PTPRT: variants seen among roughly 807,000 people sequenced by gnomAD.
PTPRT encodes the protein receptor-type tyrosine-protein phosphatase T.
A neutral mutation model predicts 176.8 loss-of-function variants in PTPRT; 56 were observed. The observed-to-expected ratio is 0.32, with a 90% CI of 0.26 to 0.40. The LOEUF (loss-of-function observed/expected upper bound fraction) is 0.40, where lower values mean the gene tolerates loss of function less well. PTPRT is among the 10% of genes least tolerant of loss of function. PTPRT has a pLI of 1.00. For synonymous variants in PTPRT, 783 were observed against 739.0 expected (o/e 1.06, Z -0.96); for missense variants, 1,540 against 1,908.2 (o/e 0.81, Z 3.60).
chr20:42,136,810 G>T (rs1191429576), intron 18 of PTPRT, among the ~76,000 whole-genome samples: 2 of 152,216 alleles, frequency 1.3e-5, no homozygotes, highest in Admixed American at 6.5e-5. Flanking sequence ...ACCAGCAGGG[G>T]AGTGGGAAGT....
At chr20:42,659,529 G>C (rs939627534) in intron 7 of PTPRT, among the ~76,000 whole-genome samples, 12 of 152,216 alleles carry the variant, frequency 7.9e-5, no homozygotes, top group Non-Finnish European at 1.8e-4. Context: ...GGGAGTTAGA[G>C]TCTAATCTAT....
At chr20:42,058,717 G>C in the PTPRT span, among the ~76,000 whole-genome samples, 1 of 152,162 alleles carries the variant, frequency 6.6e-6, no homozygotes. Flanking sequence ...TTCTCCAAAC[G>C]AATGGCCTTT....
chr20:42,757,398 T>C (rs2076850482), intron 5 of PTPRT, among the ~76,000 whole-genome samples: 1 of 152,080 alleles, frequency 6.6e-6, no homozygotes, highest in Admixed American at 6.5e-5. Flanking sequence ...CCCCACAGGC[T>C]CTGAGCCCCA....
intron 12 of PTPRT, among the ~76,000 whole-genome samples, chr20:42,289,049 G>C (rs1600787019): frequency 6.6e-6 from 1 of 151,976 alleles, no homozygotes; most frequent in African/African-American, 2.4e-5. Context: ...TTCAAAAAAC[G>C]ATGCTGGGAA....
chr20:42,882,439 T>C (rs1200251760), intron 2 of PTPRT, among the ~76,000 whole-genome samples: 1 of 152,114 alleles, frequency 6.6e-6, no homozygotes, highest in Non-Finnish European at 1.5e-5. Context: ...AGCCATGTCT[T>C]TGGGGAGAGA....
intron 1 of PTPRT, among the ~76,000 whole-genome samples, chr20:43,169,883 G>A (rs531135671): frequency 6.6e-6 from 1 of 152,214 alleles, no homozygotes; most frequent in South Asian, 2.1e-4. Context: ...AGAGACTAAG[G>A]GCTCTCCTCT....
chr20:43,180,355 C>CTCTCTCTCTCTCTCTA (rs2015223383), intron 1 of PTPRT, among the ~76,000 whole-genome samples: 1 of 150,954 alleles, frequency 6.6e-6, no homozygotes. Context: ...CTCTCTCTCT[C>CTCTCTCTCTCTCTCTA]TCTCTCTCTC....
rs542402118 is a variant in PTPRT at position 42,288,879 on chromosome 20, C to A, written c.2140-6354G>T. On this transcript the variant is annotated intron_variant, in intron 12 of 30. Transcript: ENST00000373187. ...TGGTTACTTTTCTTTTGGGTATGTA[C>A]CCAGTAATGGGATTTCTGGGTCAAA... Among the ~76,000 whole-genome samples the A allele has an allele frequency of 1.2e-3, 178 of 152,002 alleles. 1 individual carries two copies. Among genetic ancestry groups the A allele is most frequent in the African/African-American group, 4.0e-3 (168 of 41,482 alleles).
intron 9 of PTPRT, among the ~76,000 whole-genome samples, chr20:42,389,295 T>G (rs1308197604): frequency 1.3e-5 from 2 of 151,948 alleles, no homozygotes; most frequent in Non-Finnish European, 2.9e-5. Flanking sequence ...AAACGTGATA[T>G]AGGGTCTTAT....
At chr20:42,989,741 T>A (rs1022926252) in intron 1 of PTPRT, among the ~76,000 whole-genome samples, 1 of 152,256 alleles carries the variant, frequency 6.6e-6, no homozygotes, top group Non-Finnish European at 1.5e-5. Flanking sequence ...ATTTTCTGAT[T>A]TGCTTTCATG....
intron 4 of PTPRT, among the ~76,000 whole-genome samples, chr20:42,779,346 G>A (rs1363375588): frequency 1.3e-5 from 2 of 152,192 alleles, no homozygotes; most frequent in Non-Finnish European, 2.9e-5. Context: ...TATGGGAGGA[G>A]TGGAGAGAGC....
At chr20:43,168,289 G>A (rs1322530470) in intron 1 of PTPRT, among the ~76,000 whole-genome samples, 2 of 152,190 alleles carry the variant, frequency 1.3e-5, no homozygotes, top group East Asian at 1.9e-4. Context: ...AAATGACAAA[G>A]AGGAAAATCA....
chr20:42,836,437 C>T (rs1241626848), intron 2 of PTPRT, among the ~76,000 whole-genome samples: 1 of 152,170 alleles, frequency 6.6e-6, no homozygotes, highest in South Asian at 2.1e-4. Context: ...CCTGCAAAGC[C>T]CTCCCAGATT....
intron 15 of PTPRT, among the ~76,000 whole-genome samples, chr20:42,223,337 C>A (rs564874942): frequency 6.6e-6 from 1 of 152,222 alleles, no homozygotes; most frequent in South Asian, 2.1e-4. Flanking sequence ...GTTATTGTCC[C>A]CAATTTACAG....
chr20:42,299,641 C>CTTCT (rs2057430879), intron 12 of PTPRT, among the ~76,000 whole-genome samples: 1 of 85,994 alleles, frequency 1.2e-5, no homozygotes, highest in South Asian at 4.8e-4. Flanking sequence ...GAACTTTTGC[C>CTTCT]TTTTTTTTTT....
chr20:42,470,845 A>G (rs2071181629), intron 8 of PTPRT, among the ~76,000 whole-genome samples: 1 of 149,970 alleles, frequency 6.7e-6, no homozygotes, highest in Non-Finnish European at 1.5e-5. Flanking sequence ...TTCTAGCAGT[A>G]GTGGCTCTAG....
chr20:42,541,546 TACTA>T (rs2072580777), intron 7 of PTPRT, among the ~76,000 whole-genome samples: 1 of 1,308 alleles, frequency 7.6e-4, no homozygotes, highest in African/African-American at 2.4e-3. Context: ...TAAATACTAA[TACTA>T]GTAAATAAGT....
At chr20:42,408,089 T>C (rs1180931775) in intron 9 of PTPRT, among the ~76,000 whole-genome samples, 2 of 152,148 alleles carry the variant, frequency 1.3e-5, no homozygotes, top group Non-Finnish European at 2.9e-5. Flanking sequence ...AACCAATACG[T>C]TGATGAAATA....
intron 4 of PTPRT, among the ~76,000 whole-genome samples, chr20:42,779,849 G>GT (rs11478372): frequency 0.097 from 14,213 of 146,188 alleles, 729 homozygotes; most frequent in South Asian, 0.23. Flanking sequence ...GTGGTGGTGT[G>GT]TTTTTTTTTT....
Sources: gnomAD v4.1 joint callset for allele counts (sites outside exome capture counted in the v4.1 genomes callset) on GRCh38, gnomAD v4.1.1 for gene constraint, MANE v1.5 for transcripts, NCBI Gene and HGNC (gene_info 2026-07-23, HGNC 2026-07-21) for gene names.